EYS: variants seen among roughly 807,000 people sequenced by gnomAD.
EYS encodes EGF-like photoreceptor maintenance factor, also known as protein eyes shut homolog.
In EYS, 250 loss-of-function variants were observed where a neutral mutation model predicts 282.1. The ratio of observed to expected loss-of-function variants is 0.89; its 90% confidence interval spans 0.80 to 0.98. The LOEUF (loss-of-function observed/expected upper bound fraction) is 0.98, where lower values mean the gene tolerates loss of function less well. EYS is among the 50% of genes least tolerant of loss of function. EYS has a pLI of 0.00. For missense variants in EYS, 4,016 were observed against 3,709.0 expected, an observed-to-expected ratio of 1.08 and a Z score of -2.15; for synonymous variants, 1,355 against 1,282.9, an observed-to-expected ratio of 1.06 and a Z score of -1.20.
chr6:64,604,303 AC>A (rs1288194754), intron 24 of EYS, among the ~76,000 whole-genome samples: 1 of 152,070 alleles, frequency 6.6e-6, no homozygotes, highest in Non-Finnish European at 1.5e-5. Flanking sequence ...TATGGCCCAA[AC>A]TTTTCAAAAC....
chr6:64,891,165 TAA>T (rs67723372), intron 18 of EYS, among the ~76,000 whole-genome samples: 97 of 145,146 alleles, frequency 6.7e-4, no homozygotes, highest in Admixed American at 1.3e-3. Context: ...TCATAGAGAT[TAA>T]AAAAAAAAAA....
At chr6:64,404,044 T>G (rs1052708810) in intron 28 of EYS, among the ~76,000 whole-genome samples, 1 of 152,150 alleles carries the variant, frequency 6.6e-6, no homozygotes, top group African/African-American at 2.4e-5. Context: ...TATTACAGTT[T>G]CAAGAGTGAT....
rs115262565 is a variant in EYS at position 65,448,489 on chromosome 6, A to T, written c.862+42105T>A. Among the ~76,000 whole-genome samples the T allele has an allele frequency of 8.5e-3, 1,300 of 152,188 alleles. 18 individuals carry two copies. Among genetic ancestry groups the T allele is most frequent in the African/African-American group, 0.03 (1,238 of 41,542 alleles). ...GAAATGTGCTAATTTTCAGGTTAGG[A>T]CAACTTAACACTTGTCCATTACTGC... On this transcript the variant is annotated intron_variant, in intron 5 of 42. Coordinates refer to ENST00000503581, the MANE Select transcript of EYS (RefSeq NM_001142800.2).
At chr6:64,216,836 T>G (rs1765943546) in intron 31 of EYS, among the ~76,000 whole-genome samples, 1 of 152,162 alleles carries the variant, frequency 6.6e-6, no homozygotes, top group South Asian at 2.1e-4. Flanking sequence ...TCAATAAATT[T>G]TGAGCTAAAA....
intron 2 of EYS, among the ~76,000 whole-genome samples, chr6:65,618,364 T>C (rs1007172544): frequency 5.3e-5 from 8 of 152,268 alleles, no homozygotes; most frequent in African/African-American, 1.9e-4. Context: ...TTGAGAAGTG[T>C]CTGTTCATGT....
intron 1 of EYS, among the ~76,000 whole-genome samples, chr6:65,661,689 C>A (rs574445409): frequency 1.3e-5 from 2 of 151,988 alleles, no homozygotes; most frequent in Admixed American, 6.6e-5. Flanking sequence ...CTGGAACTTT[C>A]GGATGATTTC....
intron 5 of EYS, among the ~76,000 whole-genome samples, chr6:65,460,845 C>T (rs1764804407): frequency 6.6e-6 from 1 of 152,088 alleles, no homozygotes; most frequent in Non-Finnish European, 1.5e-5. Context: ...ATTCCATTAA[C>T]ACGATGCATT....
Position 63,720,785 on chromosome 6 carries a change from A to G in EYS, c.9246T>C (p.Asp3082=). Residue 3082 remains aspartate, a synonymous_variant, in exon 43 of 43, where the codon GAT becomes GAC. Coordinates refer to ENST00000503581, the MANE Select transcript of EYS (RefSeq NM_001142800.2). ...CAAAGCCCCCTAGATAACAAATGCC[A>G]TCATAGTTTAGAGCCACAAAGTTTT... The part of the protein sequence containing the change: ...PHKNFVALNY[D]GICYLGGFEY... 1 of 1,550,928 alleles carries G rather than the reference A, an allele frequency of 6.4e-7. No homozygotes were observed. Among genetic ancestry groups the G allele is most frequent in the Non-Finnish European group, 8.7e-7 (1 of 1,146,466 alleles).
At chr6:64,311,939 G>A (rs1276620957) in intron 29 of EYS, among the ~76,000 whole-genome samples, 1 of 151,084 alleles carries the variant, frequency 6.6e-6, no homozygotes, top group Non-Finnish European at 1.5e-5. Context: ...GCACAAAACT[G>A]GGCAGCCTTT....
chr6:64,010,670 G>T (rs190688130), intron 33 of EYS, among the ~76,000 whole-genome samples: 1 of 151,532 alleles, frequency 6.6e-6, no homozygotes, highest in African/African-American at 2.4e-5. Flanking sequence ...CTCTCTTTTT[G>T]TGTACTCCCA....
intron 2 of EYS, among the ~76,000 whole-genome samples, chr6:65,571,772 CA>C (rs1562265418): frequency 6.6e-6 from 1 of 151,890 alleles, no homozygotes; most frequent in African/African-American, 2.4e-5. Context: ...TTATAAAAAA[CA>C]TTTTTTAAAA....
At chr6:64,686,747 ATATATATATATATATGTGTG>A (rs1259858583) in intron 22 of EYS, among the ~76,000 whole-genome samples, 361 of 33,222 alleles carry the variant, frequency 0.011, 63 homozygotes, top group Non-Finnish European at 0.021. Context: ...ATCTAAATAT[ATATATATATATATATGTGTG>A]TATATATATA....
At chr6:63,804,805 A>G (rs534192478) in intron 37 of EYS, among the ~76,000 whole-genome samples, 30 of 152,230 alleles carry the variant, frequency 2.0e-4, no homozygotes, top group Non-Finnish European at 4.1e-4. Context: ...TTAAGAGGCT[A>G]ACTCTTATTA....
At chr6:65,329,778 C>G (rs1769729387) in intron 11 of EYS, 1 of 980,862 alleles carries the variant, frequency 1.0e-6, no homozygotes, top group South Asian at 4.7e-5. Flanking sequence ...TAAGAAAATC[C>G]TGGTCAAATT....
intron 13 of EYS, among the ~76,000 whole-genome samples, chr6:65,030,970 A>G (rs901059992): frequency 1.7e-4 from 26 of 152,220 alleles, no homozygotes; most frequent in Admixed American, 8.5e-4. Flanking sequence ...TACAAGGCAA[A>G]TGGAAAACAA....
chr6:65,581,873 A>T (rs1260905433), intron 2 of EYS, among the ~76,000 whole-genome samples: 8 of 151,920 alleles, frequency 5.3e-5, no homozygotes, highest in Non-Finnish European at 2.9e-5. Flanking sequence ...CCTATTGGTG[A>T]TTTTTTTCAA....
chr6:63,900,798 G>A (rs1441057375), intron 35 of EYS, among the ~76,000 whole-genome samples: 3 of 152,088 alleles, frequency 2.0e-5, no homozygotes, highest in Non-Finnish European at 4.4e-5. Flanking sequence ...AGGAAGGCAA[G>A]CTTAAAAATA....
intron 35 of EYS, among the ~76,000 whole-genome samples, chr6:63,882,431 C>T (rs1773156492): frequency 6.6e-6 from 1 of 152,160 alleles, no homozygotes; most frequent in South Asian, 2.1e-4. Flanking sequence ...GAGGAGCAGG[C>T]CTTCCATCCA....
chr6:64,183,921 T>G (rs2150312951), intron 31 of EYS, among the ~76,000 whole-genome samples: 1 of 152,232 alleles, frequency 6.6e-6, no homozygotes, highest in Admixed American at 6.5e-5. Flanking sequence ...TTTAAAAAAT[T>G]TTGTAACGCA....
Sources: gnomAD v4.1 joint callset for allele counts (sites outside exome capture counted in the v4.1 genomes callset) on GRCh38, gnomAD v4.1.1 for gene constraint, MANE v1.5 for transcripts, NCBI Gene and HGNC (gene_info 2026-07-23, HGNC 2026-07-21) for gene names.